The following ROBO2 variants were observed in gnomAD, a reference collection of about 807,000 sequenced individuals.
The protein encoded by ROBO2 is roundabout guidance receptor 2.
In ROBO2, 53 loss-of-function variants were observed where a neutral mutation model predicts 160.8. The observed-to-expected ratio is 0.33, with a 90% CI of 0.26 to 0.41. The LOEUF (loss-of-function observed/expected upper bound fraction) is 0.41. ROBO2 is among the 10% of genes least tolerant of loss of function. The pLI, the probability that ROBO2 is intolerant of heterozygous loss-of-function variation, is 1.00. For synonymous variants in ROBO2, 664 were observed against 611.7 expected, an observed-to-expected ratio of 1.09 and a Z score of -1.26; for missense variants, 1,577 against 1,722.4, an observed-to-expected ratio of 0.92 and a Z score of 1.49.
chr3:77,549,456 A>T (rs921046221), intron 7 of ROBO2, among the ~76,000 whole-genome samples: 1 of 152,000 alleles, frequency 6.6e-6, no homozygotes, highest in African/African-American at 2.4e-5. Context: ...ATGCATGAAA[A>T]TGTCTAGCCT....
chr3:77,386,246 C>G (rs1479486560), intron 2 of ROBO2, among the ~76,000 whole-genome samples: 1 of 152,090 alleles, frequency 6.6e-6, no homozygotes, highest in Non-Finnish European at 1.5e-5. Flanking sequence ...TATTAGATGT[C>G]CTGACTAGAT....
intron 2 of ROBO2, among the ~76,000 whole-genome samples, chr3:77,456,770 A>G (rs1188559972): frequency 6.6e-6 from 1 of 152,172 alleles, no homozygotes; most frequent in Non-Finnish European, 1.5e-5. Flanking sequence ...TCAGTAGAAT[A>G]TATTCTTAGA....
chr3:75,939,717 A>G (rs975529345), intron 2 of ROBO2, among the ~76,000 whole-genome samples: 3 of 152,162 alleles, frequency 2.0e-5, no homozygotes, highest in Non-Finnish European at 2.9e-5. Context: ...CAAGCTGCAT[A>G]TCATCATTTA....
At chr3:77,036,510 C>CTTCATATGGTTATTATATA, upstream of ROBO2, among the ~76,000 whole-genome samples, 1 of 152,022 alleles carries the variant, frequency 6.6e-6, no homozygotes, top group East Asian at 1.9e-4. Flanking sequence ...TTATTTTATA[C>CTTCATATGGTTATTATATA]TTCTGCTGGA....
chr3:77,013,375 G>A (rs1436346962), intron 2 of ROBO2, among the ~76,000 whole-genome samples: 1 of 151,998 alleles, frequency 6.6e-6, no homozygotes, highest in African/African-American at 2.4e-5. Flanking sequence ...ATTTTGGAGT[G>A]AAATACAAAG....
chr3:77,345,364 G>T (rs1415482192), intron 2 of ROBO2, among the ~76,000 whole-genome samples: 1 of 152,118 alleles, frequency 6.6e-6, no homozygotes, highest in Non-Finnish European at 1.5e-5. Context: ...TACCACACAT[G>T]ATTGTATTGG....
intron 2 of ROBO2, among the ~76,000 whole-genome samples, chr3:76,486,690 T>A (rs1441028987): frequency 6.6e-6 from 1 of 152,160 alleles, no homozygotes; most frequent in Non-Finnish European, 1.5e-5. Flanking sequence ...TTCTAAAGGA[T>A]GTTTTATGTT....
At chr3:76,643,408 TAGAA>T (rs777622220) in intron 2 of ROBO2, among the ~76,000 whole-genome samples, 1 of 152,176 alleles carries the variant, frequency 6.6e-6, no homozygotes, top group Non-Finnish European at 1.5e-5. Flanking sequence ...TTTTTTAAAC[TAGAA>T]AGAAATATCG....
chr3:76,675,130 A>C (rs908732458), intron 2 of ROBO2, among the ~76,000 whole-genome samples: 2 of 152,116 alleles, frequency 1.3e-5, no homozygotes, highest in African/African-American at 4.8e-5. Flanking sequence ...CTTTAGTAAA[A>C]ATCTCTGAAT....
intron 2 of ROBO2, among the ~76,000 whole-genome samples, chr3:76,085,821 G>A (rs773850226): frequency 2.0e-5 from 3 of 152,120 alleles, no homozygotes; most frequent in South Asian, 4.1e-4. Context: ...AAGAGAGCCC[G>A]TCACAAAGGG....
At chr3:76,892,401 C>T (rs2074418944) in intron 2 of ROBO2, among the ~76,000 whole-genome samples, 1 of 152,124 alleles carries the variant, frequency 6.6e-6, no homozygotes, top group African/African-American at 2.4e-5. Flanking sequence ...TAGCCATTAC[C>T]ATAATCTCAA....
intron 2 of ROBO2, among the ~76,000 whole-genome samples, chr3:76,630,703 G>A (rs2089979475): frequency 6.6e-6 from 1 of 152,136 alleles, no homozygotes; most frequent in East Asian, 1.9e-4. Context: ...TAAAAAATTT[G>A]AAGTGCTTGT....
intron 24 of ROBO2, among the ~76,000 whole-genome samples, chr3:77,637,298 G>GT (rs1230759411): frequency 6.6e-6 from 1 of 152,142 alleles, no homozygotes; most frequent in Non-Finnish European, 1.5e-5. Flanking sequence ...AAAAGCATTG[G>GT]TTTTTTATTA....
At chr3:76,319,590 G>A (rs951798730) in intron 2 of ROBO2, among the ~76,000 whole-genome samples, 1 of 128,016 alleles carries the variant, frequency 7.8e-6, no homozygotes, top group Non-Finnish European at 1.6e-5. Context: ...ATATTTTGAG[G>A]TTATCCTATG....
intron 2 of ROBO2, among the ~76,000 whole-genome samples, chr3:77,188,551 G>A (rs997649157): frequency 4.6e-5 from 7 of 151,768 alleles, no homozygotes; most frequent in Admixed American, 1.3e-4. Flanking sequence ...TCATACTTAT[G>A]TATGAGTCTT....
At chr3:77,489,129 C>G (rs2085746853) in intron 4 of ROBO2, among the ~76,000 whole-genome samples, 2 of 152,184 alleles carry the variant, frequency 1.3e-5, no homozygotes, top group African/African-American at 4.8e-5. Flanking sequence ...GCTCCAGTAT[C>G]TCAGGAATTT....
rs1169307424 is a variant in ROBO2 at position 76,677,958 on chromosome 3, CTTTTTTTTTTT to C, written c.110-420037_110-420027del. On this transcript the variant is annotated intron_variant, in intron 2 of 26. Coordinates refer to the ROBO2 transcript ENST00000487694. The stretch of plus-strand genomic sequence containing the variant: ...TTCTCTCACAGAGAAAGAAAATATG[CTTTTTTTTTTT>C]TTTTTTTTTTTTTTTTTTGAGATAG... 2.0e-3 allele frequency among the ~76,000 whole-genome samples: 59 copies of C among 29,396 alleles called. 3 individuals are homozygous for C. The East Asian group carries it at 0.037, about 18-fold the overall frequency. 19.3% of individuals were successfully genotyped at this position (29,396 alleles called of 152,430 possible). A position where few individuals can be genotyped will look rare whatever the true frequency, so the allele number is the denominator to read the frequency against.
At chr3:76,186,505 T>C (rs572983503) in intron 2 of ROBO2, among the ~76,000 whole-genome samples, 1 of 73,588 alleles carries the variant, frequency 1.4e-5, no homozygotes, top group Non-Finnish European at 2.8e-5. Flanking sequence ...TCTTCCACAA[T>C]GAAAGGAGTA....
chr3:76,221,108 G>C (rs1703936486), intron 2 of ROBO2, among the ~76,000 whole-genome samples: 1 of 152,170 alleles, frequency 6.6e-6, no homozygotes, highest in South Asian at 2.1e-4. Context: ...ATTTCCCCAG[G>C]TAGTCTGAAT....
Sources: gnomAD v4.1 joint callset for allele counts (sites outside exome capture counted in the v4.1 genomes callset) on GRCh38, gnomAD v4.1.1 for gene constraint, MANE v1.5 for transcripts, NCBI Gene and HGNC (gene_info 2026-07-23, HGNC 2026-07-21) for gene names.